PDXK: variants seen among roughly 807,000 people sequenced by gnomAD.
PDXK encodes pyridoxal kinase.
A neutral mutation model predicts 43.2 loss-of-function variants in PDXK; 15 were observed. The ratio of observed to expected loss-of-function variants is 0.35; its 90% confidence interval spans 0.23 to 0.53. PDXK has a LOEUF of 0.53. Ranked by LOEUF, PDXK falls within the 20% of genes least tolerant of loss-of-function variation. The pLI, the probability that PDXK is intolerant of heterozygous loss-of-function variation, is 0.92. For missense variants in PDXK, 343 were observed against 417.0 expected (o/e 0.82, Z 1.54); for synonymous variants, 172 against 165.4 (o/e 1.04, Z -0.31).
In PDXK at chr21:43,747,346, G is replaced by C. The variant is rs533013749; in HGVS notation, c.378+1221G>C. On this transcript the variant is annotated intron_variant, in intron 5 of 10. Coordinates refer to ENST00000291565, the MANE Select transcript of PDXK (RefSeq NM_003681.5). The stretch of plus-strand genomic sequence containing the variant: ...GCCATTCAGCGCCCAGGCGATTTCA[G>C]TATCTGCCTTCTTTGTCGTTGTGTC... 1.9e-4 allele frequency among the ~76,000 whole-genome samples: 29 copies of C among 152,392 alleles called. 1 individual carries two copies. Among genetic ancestry groups the C allele is most frequent in the Admixed American group, 7.8e-4 (12 of 15,312 alleles).
chr21:43,739,911 C>T (rs893893222), intron 2 of PDXK, among the ~76,000 whole-genome samples: 24 of 151,940 alleles, frequency 1.6e-4, no homozygotes, highest in Admixed American at 7.2e-4. Context: ...CAAACCCCGC[C>T]CCAGCCTGGC....
chr21:43,755,690 C>G lies in PDXK; in HGVS notation c.760-8C>G. On this transcript the variant is annotated splice_polypyrimidine_tract_variant and splice_region_variant and intron_variant, in intron 9 of 10. Transcript: ENST00000291565. ...GCCAGGGGCACAGCAAGTCTGTCCT[C>G]CCTGCAGGTGGCCTGTGAGAAGACC... is the stretch of plus-strand genomic sequence containing the variant. 1 of 1,611,238 alleles carries G rather than the reference C, an allele frequency of 6.2e-7. No individual in the cohort carries two copies. The highest frequency in any genetic ancestry group is 1.1e-5 in the South Asian group (1 of 91,052).
rs370332436 is a variant in PDXK at position 43,743,824 on chromosome 21, C to T, written c.331+17C>T. ...TGGTGTACGGTAGGCAGGGGCCCAC[C>T]CTCGGGTCTGGCTGTGTGGCCCCAC... On this transcript the variant is annotated intron_variant, in intron 4 of 10. Transcript: ENST00000291565. 11 of 1,593,002 alleles carry T rather than the reference C, an allele frequency of 6.9e-6. No individual in the cohort carries two copies. In the African/African-American group the frequency reaches 1.3e-4, roughly 19 times the overall value.
chr21:43,725,228 C>T (rs959092839), intron 1 of PDXK, among the ~76,000 whole-genome samples: 4 of 151,472 alleles, frequency 2.6e-5, no homozygotes, highest in Admixed American at 2.6e-4. Flanking sequence ...GAGGCTGAGG[C>T]AGGAGAATGG....
At chr21:43,728,910 A>C in intron 1 of PDXK, 1 of 985,478 alleles carries the variant, frequency 1.0e-6, no homozygotes, top group Non-Finnish European at 1.2e-6. Context: ...AAGCCATCCC[A>C]CTGGCCTGGA....
Position 43,719,358 on chromosome 21 carries a change from C to T in PDXK, c.64C>T (p.Arg22Trp), listed in dbSNP as rs529148443. Reference protein sequence around the residue: ...SHVIRGYVGNRAATFPLQVLG... With the variant: ...SHVIRGYVGNWAATFPLQVLG... ...CGTCATCCGCGGCTACGTGGGCAACCGGGCGGCCACGTTCCCGCTGCAGGT... is the reference window on the plus strand; with the variant it reads ...CGTCATCCGCGGCTACGTGGGCAACTGGGCGGCCACGTTCCCGCTGCAGGT... The change falls in exon 1 of 11, where the codon CGG becomes TGG. Residue 22 changes from arginine (R) to tryptophan (W), a missense_variant. By Grantham distance (101) the Arg-to-Trp change is moderately radical. Transcript: ENST00000291565. 6 of 1,525,202 alleles carry T rather than the reference C, an allele frequency of 3.9e-6. No individual in the cohort carries two copies. The highest frequency in any genetic ancestry group is 2.7e-5 in the East Asian group (1 of 37,236). The allele number at this position is 1,525,202 out of a possible 1,614,324, so 94.5% of individuals were successfully genotyped here.
At chr21:43,730,660 A>G (rs1158822100) in intron 1 of PDXK, among the ~76,000 whole-genome samples, 4 of 151,736 alleles carry the variant, frequency 2.6e-5, no homozygotes, top group African/African-American at 7.3e-5. Context: ...TACTTTTAAT[A>G]TAGTTTATGT....
rs368857575 is a variant in PDXK, at chr21:43,755,775, C to G, written c.826+11C>G. 1 of 1,611,970 alleles carries G rather than the reference C, an allele frequency of 6.2e-7. No homozygotes were observed. The highest frequency in any genetic ancestry group is 1.1e-5 in the South Asian group (1 of 91,026). On this transcript the variant is annotated intron_variant, in intron 10 of 10. Coordinates refer to ENST00000291565, the MANE Select transcript of PDXK (RefSeq NM_003681.5). ...TCCAGTGTGCAAAAGGTACGGCGGC[C>G]GGGCTGCATGGGCTGCGTGGGCTCC... is the stretch of plus-strand genomic sequence containing the variant.
In PDXK at chr21:43,743,704, C is replaced by T. The variant is rs767816270; in HGVS notation, c.248-20C>T. On this transcript the variant is annotated intron_variant, in intron 3 of 10. Transcript: ENST00000291565. Reference sequence around the variant, plus strand: ...TGAGTCTCCTGTTTTCTGAGGGTGACCTGGATTCTCCCCCTAAAGGTTATA... The same window carrying T: ...TGAGTCTCCTGTTTTCTGAGGGTGATCTGGATTCTCCCCCTAAAGGTTATA... 7.7e-6 allele frequency: 12 copies of T among 1,565,934 alleles called. No homozygotes were observed. The East Asian group carries it at 2.2e-4, about 29-fold the overall frequency.
At position 43,758,889 on chromosome 21, in the gene PDXK, G is replaced by A. The variant is rs2083892567; in HGVS notation, c.*2826G>A. The A allele has an allele frequency of 6.6e-6, 1 of 152,198 alleles. No individual in the cohort carries two copies. The highest frequency in any genetic ancestry group is 2.1e-4 in the South Asian group (1 of 4,828). 9.4% of individuals were successfully genotyped at this position (152,198 alleles called of 1,614,324 possible). On this transcript the variant is annotated 3_prime_UTR_variant, in exon 11 of 11. Coordinates refer to ENST00000291565, the MANE Select transcript of PDXK (RefSeq NM_003681.5). Reference sequence around the variant, plus strand: ...CGATTTTAAATTGTTGCCTAGTCCTGCCAAGGTTATTATGTGCATCTGTTA... The same window carrying A: ...CGATTTTAAATTGTTGCCTAGTCCTACCAAGGTTATTATGTGCATCTGTTA...
rs558923804 is a variant in PDXK at position 43,742,853 on chromosome 21, A to G, written c.248-871A>G. ...ACTGCACTCTGGACTAGGGGACAGA[A>G]TGAGACCCTGTCTCAAAATAAATAA... On this transcript the variant is annotated intron_variant, in intron 3 of 10. Coordinates refer to ENST00000291565, the MANE Select transcript of PDXK (RefSeq NM_003681.5). Among the ~76,000 whole-genome samples the G allele has an allele frequency of 2.6e-3, 394 of 152,264 alleles. 2 individuals carry two copies. The highest frequency in any genetic ancestry group is 8.9e-3 in the African/African-American group (368 of 41,544).
chr21:43,751,200 C>T (rs539257238), intron 7 of PDXK, among the ~76,000 whole-genome samples: 2 of 152,268 alleles, frequency 1.3e-5, no homozygotes, highest in South Asian at 2.1e-4. Flanking sequence ...GTTGAGTCAT[C>T]TTAGTCTGTT....
intron 3 of PDXK, among the ~76,000 whole-genome samples, chr21:43,742,645 G>A: frequency 6.6e-6 from 1 of 152,164 alleles, no homozygotes; most frequent in Non-Finnish European, 1.5e-5. Flanking sequence ...GGGAAGACTA[G>A]GAGGGAGGCT....
At position 43,754,276 on chromosome 21, in the gene PDXK, G is replaced by A. The variant is rs558812386; in HGVS notation, c.759+557G>A. On this transcript the variant is annotated intron_variant, in intron 9 of 10. Coordinates refer to ENST00000291565, the MANE Select transcript of PDXK (RefSeq NM_003681.5). This position sits in a 1 kb window ranked among gnomAD's most constrained non-coding sequence, Gnocchi z 5.5. ...CCTGCTTTTCAAGTTTGTAGAGATC[G>A]GGTGGCTTTGCTTAGACAGTGGGGG... 1.4e-4 allele frequency among the ~76,000 whole-genome samples: 22 copies of A among 152,304 alleles called. No individual in the cohort carries two copies. In the East Asian group the frequency reaches 3.7e-3, roughly 25 times the overall value.
chr21:43,746,652 C>T (rs1244299319), intron 5 of PDXK, among the ~76,000 whole-genome samples: 1 of 152,140 alleles, frequency 6.6e-6, no homozygotes, highest in Non-Finnish European at 1.5e-5. Context: ...CTCCTAGCCT[C>T]AAGTGATCCA....
In PDXK at chr21:43,759,673, G is replaced by C. The variant is rs1218374221; in HGVS notation, c.*3610G>C. ...AGCAGAGCAGGTTATGTGCAGACAG[G>C]GAAACGAGAACTTTGGACCTGGCTT... is the stretch of plus-strand genomic sequence containing the variant. On this transcript the variant is annotated 3_prime_UTR_variant, in exon 11 of 11. Transcript: ENST00000291565. 6.5e-6 allele frequency: 1 copy of C among 152,856 alleles called. No individual in the cohort carries two copies. Among genetic ancestry groups the C allele is most frequent in the Non-Finnish European group, 1.5e-5 (1 of 68,132 alleles). The allele number at this position is 152,856 out of a possible 1,614,324, so 9.5% of individuals were successfully genotyped here.
At chr21:43,739,977 C>G (rs2083466249) in intron 2 of PDXK, among the ~76,000 whole-genome samples, 1 of 151,876 alleles carries the variant, frequency 6.6e-6, no homozygotes, top group Non-Finnish European at 1.5e-5. Flanking sequence ...GTGTGAGGCA[C>G]TGACCTCGCC....
chr21:43,755,535 G>A, intron 9 of PDXK, 163 bp from the exon 10 acceptor site: 1 of 668,200 alleles, frequency 1.5e-6, no homozygotes, highest in Non-Finnish European at 2.7e-6. Flanking sequence ...GCAGTCCGCA[G>A]CCTGTCCTCC....
chr21:43,756,579 T>C lies in PDXK; in HGVS notation c.*516T>C, dbSNP rs1033276106. 3 of 154,138 alleles carry C rather than the reference T, an allele frequency of 1.9e-5. No individual in the cohort carries two copies. The highest frequency in any genetic ancestry group is 4.0e-4 in the South Asian group (2 of 4,978). The allele number at this position is 154,138 out of a possible 1,614,324, so 9.5% of individuals were successfully genotyped here. A position where few individuals can be genotyped will look rare whatever the true frequency, so the allele number is the denominator to read the frequency against. ...CCTCTTTGTTCCCGCATTCGAACTTTTGGTTCTTACTTTGCTGCTCGTTTA... is the reference window on the plus strand; with the variant it reads ...CCTCTTTGTTCCCGCATTCGAACTTCTGGTTCTTACTTTGCTGCTCGTTTA... On this transcript the variant is annotated 3_prime_UTR_variant, in exon 11 of 11. Transcript: ENST00000291565.
Sources: allele counts gnomAD v4.1 joint callset (sites outside exome capture counted in the v4.1 genomes callset), GRCh38; gene constraint gnomAD v4.1.1; non-coding constraint Gnocchi (gnomAD v3.1); transcripts MANE v1.5; gene names NCBI Gene and HGNC (gene_info 2026-07-23, HGNC 2026-07-21).